The following STRIP1 variants were observed in gnomAD, a reference collection of about 807,000 sequenced individuals.
STRIP1 encodes striatin-interacting protein 1.
Under a neutral mutation model 106.2 loss-of-function variants are expected in STRIP1, and 63 were observed. The ratio of observed to expected loss-of-function variants is 0.59; its 90% confidence interval spans 0.48 to 0.73. The LOEUF (loss-of-function observed/expected upper bound fraction) is 0.73. Among genes scored for constraint, STRIP1 ranks in the 30% least tolerant of loss-of-function variants. The pLI is 0.00. For missense variants in STRIP1, 857 were observed against 1,074.8 expected (o/e 0.80, Z 2.83); for synonymous variants, 390 against 413.0 (o/e 0.94, Z 0.67).
chr1:110,045,419 G>T (rs2101777241), intron 12 of STRIP1: 1 of 250,186 alleles, frequency 4.0e-6, no homozygotes, highest in Non-Finnish European at 7.8e-6. Flanking sequence ...CAAGGCTACA[G>T]TGAGCTATGA....
At chr1:110,038,486 C>G (rs1372395194) in intron 2 of STRIP1, among the ~76,000 whole-genome samples, 197 bp from the exon 3 acceptor site, 10 of 152,192 alleles carry the variant, frequency 6.6e-5, no homozygotes, top group Admixed American at 5.9e-4. Context: ...AGATGGCATT[C>G]TGGCACTCTG....
In STRIP1 at chr1:110,041,774, G is replaced by T; in HGVS notation, c.798G>T (p.Leu266=). The T allele has an allele frequency of 1.2e-6, 2 of 1,614,150 alleles. No homozygotes were observed. The highest frequency in any genetic ancestry group is 1.7e-6 in the Non-Finnish European group (2 of 1,180,038). ...ACAATGAGCCATTTGCCATCATGCT[G>T]TTTGGGATGGTGACCAAATTTTGCA... The part of the protein sequence containing the change: ...LYNNEPFAIM[L]FGMVTKFCSG... The change falls in exon 8 of 21, where the codon CTG becomes CTT. Residue 266 remains leucine (L), a synonymous_variant. Coordinates refer to ENST00000369795, the MANE Select transcript of STRIP1 (RefSeq NM_033088.4).
chr1:110,049,083 G>A lies in STRIP1; in HGVS notation c.1662-29G>A, dbSNP rs115943229. 1.4e-3 allele frequency: 2,192 copies of A among 1,613,996 alleles called. 4 individuals are homozygous for A. Among genetic ancestry groups the A allele is most frequent in the Non-Finnish European group, 1.3e-3 (1,552 of 1,179,942 alleles). On this transcript the variant is annotated intron_variant, in intron 15 of 20. Coordinates refer to ENST00000369795, the MANE Select transcript of STRIP1 (RefSeq NM_033088.4). ...TAGAAATGAGGTACTGCGCATGCTG[G>A]TGGCTTACCCAGGCAATTATGTTTC... is the stretch of plus-strand genomic sequence containing the variant.
rs753307430 is a variant in STRIP1 at position 110,043,742 on chromosome 1, T to C, written c.1172T>C (p.Leu391Pro). The change falls in exon 10 of 21, where the codon CTG becomes CCG. Residue 391 changes from leucine (L) to proline (P), a missense_variant. Leu to Pro is a moderately conservative substitution (Grantham distance 98, BLOSUM62 -3). This residue lies in a region of STRIP1 where 750 missense variants were observed against 989.8 expected (regional missense o/e 0.76). Coordinates refer to ENST00000369795, the MANE Select transcript of STRIP1 (RefSeq NM_033088.4). ...EEEENDDDNS[L>P]EGETFPLERD... The stretch of plus-strand genomic sequence containing the variant: ...GAGGAGAATGATGATGACAACAGTC[T>C]GGAGGGGGAGACGTTTCCCCTGGAA... 1.9e-6 allele frequency: 3 copies of C among 1,614,216 alleles called. No homozygotes were observed. In the South Asian group the frequency reaches 3.3e-5, roughly 18 times the overall value.
Position 110,054,243 on chromosome 1 carries a change from C to A in STRIP1, c.*331C>A. On this transcript the variant is annotated 3_prime_UTR_variant, in exon 21 of 21. Transcript: ENST00000369795. The stretch of plus-strand genomic sequence containing the variant: ...ATGGGATGGGAACCCCTCCGCCGTG[C>A]ATCTGAATTTCAGGGGTCATGCTGA... 3.5e-6 allele frequency: 1 copy of A among 284,034 alleles called. No homozygotes were observed. The highest frequency in any genetic ancestry group is 6.8e-6 in the Non-Finnish European group (1 of 147,088). The allele number at this position is 284,034 out of a possible 1,614,324, so 17.6% of individuals were successfully genotyped here.
At chr1:110,037,348 T>C (rs1652508536) in intron 1 of STRIP1, among the ~76,000 whole-genome samples, 1 of 152,234 alleles carries the variant, frequency 6.6e-6, no homozygotes, top group Non-Finnish European at 1.5e-5. Context: ...TTGATCTGTT[T>C]GGCGGCTGCC....
At chr1:110,041,943 T>C in intron 8 of STRIP1, 82 bp downstream of exon 8, 1 of 1,426,516 alleles carries the variant, frequency 7.0e-7, no homozygotes, top group Non-Finnish European at 9.6e-7. Flanking sequence ...TTTTGAATAT[T>C]GAATTATGTG....
Position 110,049,215 on chromosome 1 carries a change from T to C in STRIP1, c.1765T>C (p.Phe589Leu), listed in dbSNP as rs780985289. The C allele has an allele frequency of 6.2e-7, 1 of 1,614,182 alleles. No individual in the cohort carries two copies. The highest frequency in any genetic ancestry group is 8.5e-7 in the Non-Finnish European group (1 of 1,180,038). The change falls in exon 16 of 21, where the codon TTT becomes CTT. Residue 589 changes from phenylalanine (F) to leucine (L), a missense_variant. By Grantham distance (22) the Phe-to-Leu change is conservative (BLOSUM62 0). Coordinates refer to ENST00000369795, the MANE Select transcript of STRIP1 (RefSeq NM_033088.4). ...TGTCCTGCTGCTGCTGCTCAAGCACTTTAAGTTGAACCATGTCTACCAGGT... is the reference window on the plus strand; with the variant it reads ...TGTCCTGCTGCTGCTGCTCAAGCACCTTAAGTTGAACCATGTCTACCAGGT... ...SAVLLLLLKH[F>L]KLNHVYQFEY...
Position 110,041,707 on chromosome 1 carries a change from G to T in STRIP1, c.758-27G>T, listed in dbSNP as rs769341364. The T allele has an allele frequency of 2.5e-6, 4 of 1,614,014 alleles. No homozygotes were observed. In the East Asian group the frequency reaches 8.9e-5, roughly 36 times the overall value. Reference sequence around the variant, plus strand: ...AGCTGAGGCGGAAGGCTTTGGGAGGGTCCTGATACCTTTGTGTCACCTCCA... The same window carrying T: ...AGCTGAGGCGGAAGGCTTTGGGAGGTTCCTGATACCTTTGTGTCACCTCCA... On this transcript the variant is annotated intron_variant, in intron 7 of 20. Transcript: ENST00000369795.
At position 110,044,919 on chromosome 1, in the gene STRIP1, G is replaced by C; in HGVS notation, c.1352+14G>C. 1 of 1,614,108 alleles carries C rather than the reference G, an allele frequency of 6.2e-7. No homozygotes were observed. The highest frequency in any genetic ancestry group is 8.5e-7 in the Non-Finnish European group (1 of 1,179,938). Reference sequence around the variant, plus strand: ...CACTCTAGGCAGGTGAGTAAAAGCCGAGTTCATTTTGCTGTTAGCTCTCCC... The same window carrying C: ...CACTCTAGGCAGGTGAGTAAAAGCCCAGTTCATTTTGCTGTTAGCTCTCCC... On this transcript the variant is annotated intron_variant, in intron 11 of 20. Coordinates refer to ENST00000369795, the MANE Select transcript of STRIP1 (RefSeq NM_033088.4).
chr1:110,042,176 G>A (rs928781318), intron 8 of STRIP1, among the ~76,000 whole-genome samples: 5 of 152,120 alleles, frequency 3.3e-5, no homozygotes, highest in African/African-American at 1.2e-4. Context: ...GTTTGTAAAG[G>A]GATTTGAGGC....
chr1:110,034,935 A>C (rs1652367903), intron 1 of STRIP1, 118 bp downstream of exon 1: 1 of 1,020,484 alleles, frequency 9.8e-7, no homozygotes, highest in Non-Finnish European at 1.3e-6. Context: ...AGTCCGGCCG[A>C]GAACTGTCAC....
intron 6 of STRIP1, chr1:110,041,299 G>A: frequency 2.5e-6 from 1 of 397,940 alleles, no homozygotes; most frequent in East Asian, 4.6e-5. Flanking sequence ...CCCTGTTTTT[G>A]TTCTCACTGT....
chr1:110,050,264 A>G, intron 17 of STRIP1, 79 bp from the exon 18 acceptor site: 2 of 1,398,396 alleles, frequency 1.4e-6, no homozygotes, highest in South Asian at 2.3e-5. Context: ...GAAAGCTGGG[A>G]GCTGGCTCAG....
chr1:110,045,911 T>A (rs1557793151), intron 12 of STRIP1, among the ~76,000 whole-genome samples: 1 of 151,900 alleles, frequency 6.6e-6, no homozygotes, highest in Admixed American at 6.6e-5. Context: ...AGATGAGGGG[T>A]GTTTCGCAAA....
At position 110,037,878 on chromosome 1, in the gene STRIP1, C is replaced by A; in HGVS notation, c.181-13C>A. On this transcript the variant is annotated splice_polypyrimidine_tract_variant and intron_variant, in intron 1 of 20. Transcript: ENST00000369795. ...TGATCCTTTTTCCTAAAGCTCTCTC[C>A]TCTTGTCAGCAGGGCTATTCGGAGT... The A allele has an allele frequency of 6.3e-7, 1 of 1,594,402 alleles. No individual in the cohort carries two copies. The highest frequency in any genetic ancestry group is 8.6e-7 in the Non-Finnish European group (1 of 1,162,872).
At chr1:110,032,218 A>G (rs1220626166), upstream of STRIP1, among the ~76,000 whole-genome samples, 1 of 152,234 alleles carries the variant, frequency 6.6e-6, no homozygotes, top group African/African-American at 2.4e-5. Context: ...TTCTAAATTT[A>G]GCTGAAAAAT....
At chr1:110,040,761 G>C (rs2101770125) in intron 6 of STRIP1, 58 bp downstream of exon 6, 1 of 1,460,064 alleles carries the variant, frequency 6.8e-7, no homozygotes, top group South Asian at 1.3e-5. Flanking sequence ...GATCAGAGCA[G>C]GGTGTGGGAG....
At chr1:110,053,287 G>A (rs978223430) in intron 20 of STRIP1, among the ~76,000 whole-genome samples, 1 of 152,236 alleles carries the variant, frequency 6.6e-6, no homozygotes, top group Admixed American at 6.5e-5. Flanking sequence ...CTGTGAATGT[G>A]TGCAGGCCCA....
Sources: gnomAD v4.1 joint callset for allele counts (sites outside exome capture counted in the v4.1 genomes callset) on GRCh38, gnomAD v4.1.1 for gene constraint, gnomAD v4.1.1 regional missense constraint, MANE v1.5 for transcripts, NCBI Gene and HGNC (gene_info 2026-07-23, HGNC 2026-07-21) for gene names.